PLPPR5: variants seen among roughly 807,000 people sequenced by gnomAD.
The protein encoded by PLPPR5 is phospholipid phosphatase related 5.
A neutral mutation model predicts 33.9 loss-of-function variants in PLPPR5; 16 were observed. The ratio of observed to expected loss-of-function variants is 0.47; its 90% CI spans 0.32 to 0.72. PLPPR5 has a LOEUF of 0.72. Ranked by LOEUF, PLPPR5 falls within the 30% of genes least tolerant of loss-of-function variation. The pLI is 0.03. For missense variants in PLPPR5, 301 were observed against 406.7 expected, an observed-to-expected ratio of 0.74 and a Z score of 2.23; for synonymous variants, 163 against 150.3, an observed-to-expected ratio of 1.08 and a Z score of -0.62.
In PLPPR5 at chr1:98,929,027, G is replaced by A. The variant is rs1029140781; in HGVS notation, c.622-6969C>T. On this transcript the variant is annotated intron_variant, in intron 3 of 5. Coordinates refer to ENST00000263177, the MANE Select transcript of PLPPR5 (RefSeq NM_001037317.2). ...TTTTATTGATACCTTTAGAGACTTA[G>A]GAGATTCCGTATTTAGTCAGTGTAA... is the stretch of plus-strand genomic sequence containing the variant. Among the ~76,000 whole-genome samples the A allele has an allele frequency of 2.6e-5, 4 of 152,000 alleles. No individual in the cohort carries two copies. In the East Asian group the frequency reaches 5.8e-4, roughly 22 times the overall value.
chr1:98,997,294 C>A (rs1217255641), intron 1 of PLPPR5, among the ~76,000 whole-genome samples: 1 of 152,086 alleles, frequency 6.6e-6, no homozygotes, highest in East Asian at 1.9e-4. Flanking sequence ...GTCTGAACTT[C>A]CGAAGGGCAG....
Position 98,892,090 on chromosome 1 carries a change from C to T in PLPPR5, c.*982G>A, listed in dbSNP as rs1286159021. The T allele has an allele frequency of 6.6e-6, 1 of 151,962 alleles. No individual in the cohort carries two copies. The highest frequency in any genetic ancestry group is 1.5e-5 in the Non-Finnish European group (1 of 67,978). The allele number at this position is 151,962 out of a possible 1,614,324, so 9.4% of individuals were successfully genotyped here. ...ATGCTTTGTAAACTATAAAGTACTA[C>T]ACAAATGCAAAGTAAAATACATTAA... On this transcript the variant is annotated 3_prime_UTR_variant, in exon 6 of 6. Transcript: ENST00000263177.
chr1:98,910,675 A>C (rs2101147338), intron 5 of PLPPR5, among the ~76,000 whole-genome samples: 1 of 152,286 alleles, frequency 6.6e-6, no homozygotes, highest in African/African-American at 2.4e-5. Context: ...CACTCAGGGC[A>C]CAAGGCAGTA....
intron 3 of PLPPR5, among the ~76,000 whole-genome samples, chr1:98,932,294 T>A (rs1293378904): frequency 6.6e-6 from 1 of 152,214 alleles, no homozygotes; most frequent in African/African-American, 2.4e-5. Context: ...ACCTAAACTC[T>A]GTGTATGACA....
rs1232601735 is a variant in PLPPR5 at position 98,948,643 on chromosome 1, G to C, written c.621+4427C>G. ...AAGTCTTAAGATACCCTGCAGCTTG[G>C]GTCATTACCCTATTGGAAGGCGGCT... On this transcript the variant is annotated intron_variant, in intron 3 of 5. Transcript: ENST00000263177. Among the ~76,000 whole-genome samples, 5 of 152,060 alleles carry C rather than the reference G, an allele frequency of 3.3e-5. No homozygotes were observed. The East Asian group carries it at 7.7e-4, about 23-fold the overall frequency.
chr1:99,005,691 G>A (rs539301971), upstream of PLPPR5, among the ~76,000 whole-genome samples: 1 of 152,202 alleles, frequency 6.6e-6, no homozygotes, highest in East Asian at 1.9e-4. Context: ...GCCTCATCTC[G>A]TTCTTTATTC....
At chr1:98,897,375 T>C (rs375290126) in intron 5 of PLPPR5, among the ~76,000 whole-genome samples, 24 of 152,350 alleles carry the variant, frequency 1.6e-4, no homozygotes, top group African/African-American at 5.3e-4. Context: ...TCTCAACAGG[T>C]TGATTTTGGC....
rs1648315054 is a variant in PLPPR5, at chr1:98,892,610, A to T, written c.*462T>A. On this transcript the variant is annotated 3_prime_UTR_variant, in exon 6 of 6. Transcript: ENST00000263177. ...TGTCATGCTGAATAACAAAATAAAA[A>T]CCCCCATGACTTTCAAAGTCCACTT... is the stretch of plus-strand genomic sequence containing the variant. 6.5e-6 allele frequency: 1 copy of T among 152,702 alleles called. No homozygotes were observed. The highest frequency in any genetic ancestry group is 2.4e-5 in the African/African-American group (1 of 41,358). The allele number at this position is 152,702 out of a possible 1,614,324, so 9.5% of individuals were successfully genotyped here.
intron 1 of PLPPR5, among the ~76,000 whole-genome samples, chr1:98,995,858 A>C (rs748875724): frequency 6.6e-6 from 1 of 152,098 alleles, no homozygotes; most frequent in Admixed American, 6.6e-5. Flanking sequence ...TCATTATAAC[A>C]TCATCACCAT....
At chr1:98,953,667 T>A (rs192665174) in intron 2 of PLPPR5, among the ~76,000 whole-genome samples, 132 of 152,284 alleles carry the variant, frequency 8.7e-4, no homozygotes, top group Admixed American at 1.5e-3. Context: ...TAGTCTATCA[T>A]GCTCTACTAA....
At chr1:99,002,406 T>C (rs1023994106) in intron 1 of PLPPR5, among the ~76,000 whole-genome samples, 18 of 152,184 alleles carry the variant, frequency 1.2e-4, no homozygotes, top group African/African-American at 3.9e-4. Context: ...TTGGAAGCAA[T>C]GTAAGTCGCA....
chr1:98,925,959 C>A (rs1263472440), intron 3 of PLPPR5, among the ~76,000 whole-genome samples: 1 of 152,214 alleles, frequency 6.6e-6, no homozygotes, highest in Non-Finnish European at 1.5e-5. Flanking sequence ...AGAGTGAGGA[C>A]ATAGAAGCCA....
At chr1:98,943,694 C>A (rs1414530583) in intron 3 of PLPPR5, among the ~76,000 whole-genome samples, 2 of 152,178 alleles carry the variant, frequency 1.3e-5, no homozygotes, top group Non-Finnish European at 2.9e-5. Context: ...AATACTACTA[C>A]ATTATTGAAG....
At chr1:99,004,384 G>A (rs1652985952) in intron 1 of PLPPR5, 51 bp downstream of exon 1, 12 of 1,479,756 alleles carry the variant, frequency 8.1e-6, no homozygotes, top group Non-Finnish European at 1.0e-5. Flanking sequence ...CCCCGAAGGC[G>A]AGGGGCGAGA....
chr1:98,979,339 G>C lies in PLPPR5; in HGVS notation c.238-22598C>G, dbSNP rs1651975948. 3.3e-5 allele frequency among the ~76,000 whole-genome samples: 5 copies of C among 152,162 alleles called. No homozygotes were observed. The South Asian group carries it at 1.0e-3, about 32-fold the overall frequency. The stretch of plus-strand genomic sequence containing the variant: ...GCTACTGTTTTGGTTGCATGACTGT[G>C]AGCAAGTCTAATTTTTTAAGCCTCA... On this transcript the variant is annotated intron_variant, in intron 1 of 5. Coordinates refer to ENST00000263177, the MANE Select transcript of PLPPR5 (RefSeq NM_001037317.2).
chr1:98,978,940 A>G (rs1005728331), intron 1 of PLPPR5, among the ~76,000 whole-genome samples: 1 of 152,050 alleles, frequency 6.6e-6, no homozygotes, highest in African/African-American at 2.4e-5. Flanking sequence ...TACACCTGAC[A>G]GGATGACATG....
At chr1:98,919,708 T>C (rs759050545) in intron 4 of PLPPR5, among the ~76,000 whole-genome samples, 1 of 152,184 alleles carries the variant, frequency 6.6e-6, no homozygotes, top group Non-Finnish European at 1.5e-5. Context: ...TGGTTCTGCA[T>C]AACCCATCTC....
chr1:98,935,031 G>T (rs1361740705), intron 3 of PLPPR5, among the ~76,000 whole-genome samples: 3 of 152,190 alleles, frequency 2.0e-5, no homozygotes, highest in African/African-American at 7.2e-5. Flanking sequence ...GTAATTCACA[G>T]AGGGGCTTCT....
intron 3 of PLPPR5, among the ~76,000 whole-genome samples, chr1:98,941,490 T>C (rs1039194141): frequency 6.6e-6 from 1 of 151,558 alleles, no homozygotes; most frequent in Non-Finnish European, 1.5e-5. Context: ...ATAGTCTTTC[T>C]AGAAATTTCT....
Sources: gnomAD v4.1 joint callset for allele counts (sites outside exome capture counted in the v4.1 genomes callset) on GRCh38, gnomAD v4.1.1 for gene constraint, MANE v1.5 for transcripts, NCBI Gene and HGNC (gene_info 2026-07-23, HGNC 2026-07-21) for gene names.